AKT3: variants seen among roughly 807,000 people sequenced by gnomAD.
The protein encoded by AKT3 is RAC-gamma serine/threonine-protein kinase.
AKT3 carries 15 observed loss-of-function variants against 65.3 expected under a neutral mutation model. The ratio of observed to expected loss-of-function variants is 0.23; its 90% CI spans 0.15 to 0.35. AKT3 has a LOEUF of 0.35. AKT3 is among the 10% of genes least tolerant of loss of function. The probability of loss-of-function intolerance (pLI) is 1.00; values close to 1 mark genes in which losing one functional copy is unlikely to be tolerated. For missense variants in AKT3, 243 were observed against 576.5 expected, an observed-to-expected ratio of 0.42 and a Z score of 5.92; for synonymous variants, 206 against 183.8, an observed-to-expected ratio of 1.12 and a Z score of -0.98.
intron 8 of AKT3, among the ~76,000 whole-genome samples, chr1:243,607,749 C>T (rs1383725348): frequency 6.6e-6 from 1 of 152,066 alleles, no homozygotes; most frequent in African/African-American, 2.4e-5. Context: ...GTTTGTGTCC[C>T]CACCCAAATC....
At chr1:243,490,201 C>G (rs964591525) in intron 13 of AKT3, among the ~76,000 whole-genome samples, 1 of 152,262 alleles carries the variant, frequency 6.6e-6, no homozygotes, top group African/African-American at 2.4e-5. Flanking sequence ...TCCAAAATCC[C>G]TCTGCCAAAC....
At chr1:243,654,990 T>A (rs983956205) in intron 4 of AKT3, among the ~76,000 whole-genome samples, 2 of 152,284 alleles carry the variant, frequency 1.3e-5, no homozygotes, top group East Asian at 1.9e-4. Flanking sequence ...TTTTAAAAAA[T>A]TTCAATCATT....
intron 4 of AKT3, among the ~76,000 whole-genome samples, chr1:243,646,994 T>C (rs1175845784): frequency 1.3e-5 from 2 of 152,226 alleles, no homozygotes; most frequent in Non-Finnish European, 2.9e-5. Flanking sequence ...AAAGTCTATT[T>C]GGATTTTGAC....
intron 12 of AKT3, among the ~76,000 whole-genome samples, chr1:243,513,927 C>T (rs867209817): frequency 6.6e-6 from 1 of 152,218 alleles, no homozygotes; most frequent in Non-Finnish European, 1.5e-5. Context: ...CTCTGACTCT[C>T]AGGCTAAATT....
intron 2 of AKT3, among the ~76,000 whole-genome samples, chr1:243,801,160 T>C (rs1361311525): frequency 6.6e-6 from 1 of 152,212 alleles, no homozygotes; most frequent in African/African-American, 2.4e-5. Flanking sequence ...TTTTAAAATA[T>C]AAGGTATGTT....
chr1:243,694,243 T>C (rs1051359057), intron 3 of AKT3, among the ~76,000 whole-genome samples: 2 of 152,196 alleles, frequency 1.3e-5, no homozygotes, highest in East Asian at 1.9e-4. Flanking sequence ...TTAGATAATG[T>C]ATGCTGCTTA....
intron 1 of AKT3, among the ~76,000 whole-genome samples, chr1:243,848,979 G>A (rs1473631632): frequency 6.6e-6 from 1 of 152,186 alleles, no homozygotes; most frequent in Non-Finnish European, 1.5e-5. Flanking sequence ...TCTGCTTTCA[G>A]AACATAAACA....
intron 2 of AKT3, among the ~76,000 whole-genome samples, chr1:243,806,143 C>G (rs914668254): frequency 6.6e-6 from 1 of 152,142 alleles, no homozygotes; most frequent in African/African-American, 2.4e-5. Flanking sequence ...CTGCCACACA[C>G]CCATCACCCA....
intron 12 of AKT3, among the ~76,000 whole-genome samples, chr1:243,517,802 T>C (rs1670460585): frequency 6.6e-6 from 1 of 152,250 alleles, no homozygotes; most frequent in Admixed American, 6.5e-5. Context: ...AATGTGATTA[T>C]TGATACGAGT....
chr1:243,545,468 G>A, intron 12 of AKT3, 42 bp downstream of exon 12: 2 of 1,199,554 alleles, frequency 1.7e-6, no homozygotes, highest in Non-Finnish European at 1.2e-6. Context: ...TTTTAGCAGT[G>A]CAGCCAAAAT....
chr1:243,650,068 A>T (rs983876975), intron 4 of AKT3, among the ~76,000 whole-genome samples: 12 of 152,148 alleles, frequency 7.9e-5, no homozygotes, highest in African/African-American at 2.7e-4. Flanking sequence ...TATCCTCTCC[A>T]GCATCTGTTG....
chr1:243,522,760 T>C (rs1670801281), intron 12 of AKT3, among the ~76,000 whole-genome samples: 1 of 152,214 alleles, frequency 6.6e-6, no homozygotes, highest in Non-Finnish European at 1.5e-5. Flanking sequence ...GGTAGGTTAC[T>C]AGGCAGTAAC....
chr1:243,618,214 TAA>T (rs1678473723), intron 6 of AKT3, among the ~76,000 whole-genome samples: 1 of 152,052 alleles, frequency 6.6e-6, no homozygotes, highest in Non-Finnish European at 1.5e-5. Context: ...AGGAACCAAG[TAA>T]AGACGTATGG....
At chr1:243,749,829 T>C (rs1485901831) in intron 2 of AKT3, among the ~76,000 whole-genome samples, 1 of 152,242 alleles carries the variant, frequency 6.6e-6, no homozygotes, top group Non-Finnish European at 1.5e-5. Context: ...CTTCAACTCC[T>C]GCCAATTTGC....
At chr1:243,822,709 C>T (rs1383861402) in intron 2 of AKT3, among the ~76,000 whole-genome samples, 2 of 152,116 alleles carry the variant, frequency 1.3e-5, no homozygotes. Context: ...TGGACACATA[C>T]ACCCTCCCAA....
intron 12 of AKT3, among the ~76,000 whole-genome samples, chr1:243,543,045 T>TA (rs375178931): frequency 8.6e-5 from 13 of 150,574 alleles, no homozygotes; most frequent in South Asian, 4.2e-4. Flanking sequence ...TGGCACCCAT[T>TA]AAAAAAAAAT....
chr1:243,839,728 T>C (rs1332294322), intron 2 of AKT3, among the ~76,000 whole-genome samples: 1 of 152,054 alleles, frequency 6.6e-6, no homozygotes, highest in Non-Finnish European at 1.5e-5. Flanking sequence ...CAAATCAGAT[T>C]ATATCTGGAG....
intron 3 of AKT3, among the ~76,000 whole-genome samples, chr1:243,681,936 C>T (rs1354169860): frequency 6.6e-6 from 1 of 151,930 alleles, no homozygotes; most frequent in African/African-American, 2.4e-5. Context: ...AATTTTCTTC[C>T]TTTACTTCCT....
intron 12 of AKT3, among the ~76,000 whole-genome samples, chr1:243,541,150 G>A (rs1672289838): frequency 6.6e-6 from 1 of 152,094 alleles, no homozygotes; most frequent in Non-Finnish European, 1.5e-5. Flanking sequence ...ATTCATAGGT[G>A]AATTCTGAAT....
Sources: gnomAD v4.1 joint callset for allele counts (sites outside exome capture counted in the v4.1 genomes callset) on GRCh38, gnomAD v4.1.1 for gene constraint, MANE v1.5 for transcripts, NCBI Gene and HGNC (gene_info 2026-07-23, HGNC 2026-07-21) for gene names.